DDAH1: variants seen among roughly 807,000 people sequenced by gnomAD.
The protein encoded by DDAH1 is dimethylarginine dimethylaminohydrolase 1.
DDAH1 carries 19 observed loss-of-function variants against 28.8 expected under a neutral mutation model. That is an observed-to-expected ratio of 0.66 (90% CI 0.46 to 0.97). DDAH1 has a LOEUF of 0.97. Ranked by LOEUF, DDAH1 falls within the 50% of genes least tolerant of loss-of-function variation. DDAH1 has a pLI of 0.00. For synonymous variants in DDAH1, 153 were observed against 154.4 expected (o/e 0.99, Z 0.07); for missense variants, 326 against 375.9 (o/e 0.87, Z 1.10).
chr1:85,573,303 G>A (rs956856694), intron 1 of DDAH1, among the ~76,000 whole-genome samples: 1 of 152,228 alleles, frequency 6.6e-6, no homozygotes. Flanking sequence ...TGTGCTACGT[G>A]TGATGTTAGT....
intron 1 of DDAH1, among the ~76,000 whole-genome samples, chr1:85,540,968 A>C (rs1170102769): frequency 6.6e-6 from 1 of 151,710 alleles, no homozygotes; most frequent in Non-Finnish European, 1.5e-5. Context: ...TCTAAAAAAA[A>C]AAAAAAAAAA....
intron 2 of DDAH1, among the ~76,000 whole-genome samples, chr1:85,478,004 TCA>T (rs1171126915): frequency 6.6e-6 from 1 of 152,048 alleles, no homozygotes; most frequent in Non-Finnish European, 1.5e-5. Flanking sequence ...TCTCCTAATC[TCA>T]GTTTCTCCAA....
At chr1:85,388,323 G>T (rs566504888) in intron 1 of DDAH1, among the ~76,000 whole-genome samples, 126 of 152,212 alleles carry the variant, frequency 8.3e-4, no homozygotes, top group African/African-American at 2.9e-3. Context: ...TTAGTTATGT[G>T]CCATTACTAC....
chr1:85,487,760 C>A (rs1656254145), intron 2 of DDAH1, among the ~76,000 whole-genome samples: 1 of 152,158 alleles, frequency 6.6e-6, no homozygotes, highest in Admixed American at 6.5e-5. Context: ...CTCATTTACA[C>A]TTCCCAAGAT....
At chr1:85,476,719 A>G (rs1481557627) in intron 2 of DDAH1, among the ~76,000 whole-genome samples, 1 of 152,114 alleles carries the variant, frequency 6.6e-6, no homozygotes, top group Non-Finnish European at 1.5e-5. Context: ...AAGGGAGGGG[A>G]ACAGACACTT....
At chr1:85,538,839 G>A (rs1171917343) in intron 1 of DDAH1, among the ~76,000 whole-genome samples, 3 of 152,188 alleles carry the variant, frequency 2.0e-5, no homozygotes, top group African/African-American at 7.2e-5. Flanking sequence ...ATGTGTGCCT[G>A]CGGGATCAAT....
chr1:85,537,125 G>A (rs1408754702), intron 1 of DDAH1, among the ~76,000 whole-genome samples: 1 of 151,534 alleles, frequency 6.6e-6, no homozygotes, highest in Non-Finnish European at 1.5e-5. Flanking sequence ...CATATTGCTT[G>A]AGCTCAGGAG....
rs772391520 is a variant in DDAH1 at position 85,321,434 on chromosome 1, CG to C, written c.*17del. 1.4e-4 allele frequency: 222 copies of C among 1,569,882 alleles called. No homozygotes were observed. Among genetic ancestry groups the C allele is most frequent in the Middle Eastern group, 3.4e-4 (2 of 5,894 alleles). ...TTGCCTGTGCGGTCTTGCCGGCTAC[CG>C]GGGGGGACTCTGCAGCTCAGGAGTC... On this transcript the variant is annotated 3_prime_UTR_variant, in exon 6 of 6. Coordinates refer to ENST00000284031, the MANE Select transcript of DDAH1 (RefSeq NM_012137.4).
At chr1:85,345,709 T>C (rs992282420) in intron 4 of DDAH1, among the ~76,000 whole-genome samples, 4 of 151,834 alleles carry the variant, frequency 2.6e-5, no homozygotes, top group African/African-American at 9.7e-5. Context: ...TACTAAAAAT[T>C]CAAAAATTAG....
At chr1:85,556,518 C>T (rs534066357) in intron 1 of DDAH1, among the ~76,000 whole-genome samples, 1 of 152,230 alleles carries the variant, frequency 6.6e-6, no homozygotes, top group African/African-American at 2.4e-5. Flanking sequence ...GTAGATACCA[C>T]ACTGTCACAA....
Position 85,572,298 on chromosome 1 carries a change from T to C in DDAH1, c.-123+5686A>G, listed in dbSNP as rs149740822. Reference sequence around the variant, plus strand: ...ACTGAAAACACAAGCTAAAGACACATTTAGAACAATATTTAAGTGACAGAT... The same window carrying C: ...ACTGAAAACACAAGCTAAAGACACACTTAGAACAATATTTAAGTGACAGAT... On this transcript the variant is annotated intron_variant, in intron 1 of 6. Coordinates refer to the DDAH1 transcript ENST00000426972. Among the ~76,000 whole-genome samples the C allele has an allele frequency of 3.8e-3, 573 of 152,168 alleles. 3 individuals carry two copies. The highest frequency in any genetic ancestry group is 8.3e-3 in the Admixed American group (127 of 15,288).
intron 1 of DDAH1, among the ~76,000 whole-genome samples, chr1:85,565,618 G>T (rs890131593): frequency 6.6e-6 from 1 of 151,906 alleles, no homozygotes; most frequent in African/African-American, 2.4e-5. Context: ...ATATTCAAAA[G>T]CTAAAAGAAT....
chr1:85,560,862 T>G (rs1659118096), intron 1 of DDAH1, among the ~76,000 whole-genome samples: 1 of 152,050 alleles, frequency 6.6e-6, no homozygotes, highest in South Asian at 2.1e-4. Flanking sequence ...GTATAAACAT[T>G]AAGGTTTTTT....
At chr1:85,514,275 A>C (rs1010582688) in intron 1 of DDAH1, among the ~76,000 whole-genome samples, 117 of 152,314 alleles carry the variant, frequency 7.7e-4, no homozygotes, top group African/African-American at 2.6e-3. Context: ...TGAGCAAACT[A>C]TCACAAGGAC....
chr1:85,416,365 T>G (rs569435395), intron 1 of DDAH1, among the ~76,000 whole-genome samples: 1 of 152,156 alleles, frequency 6.6e-6, no homozygotes, highest in East Asian at 1.9e-4. Flanking sequence ...CGGCTAAATT[T>G]TGTATTTTTA....
intron 1 of DDAH1, among the ~76,000 whole-genome samples, chr1:85,568,927 T>C (rs1659378778): frequency 1.3e-5 from 2 of 152,224 alleles, no homozygotes; most frequent in Non-Finnish European, 2.9e-5. Flanking sequence ...ACTCATTATA[T>C]ACACACTATT....
intron 5 of DDAH1, among the ~76,000 whole-genome samples, chr1:85,324,239 C>T (rs1351030297): frequency 4.1e-5 from 6 of 146,570 alleles, no homozygotes; most frequent in Middle Eastern, 3.5e-3. Context: ...CGCAGCACTC[C>T]AGCCTGGGTA....
intron 1 of DDAH1, among the ~76,000 whole-genome samples, chr1:85,576,154 A>G (rs1305164437): frequency 2.0e-5 from 3 of 152,210 alleles, no homozygotes; most frequent in Admixed American, 1.3e-4. Flanking sequence ...TGAGAATTAA[A>G]CAAATCAATA....
chr1:85,414,015 T>C (rs1652774787), intron 1 of DDAH1, among the ~76,000 whole-genome samples: 1 of 152,240 alleles, frequency 6.6e-6, no homozygotes, highest in African/African-American at 2.4e-5. Flanking sequence ...TGACATTTAT[T>C]GTATGCTTAA....
Sources: allele counts gnomAD v4.1 joint callset (sites outside exome capture counted in the v4.1 genomes callset), GRCh38; gene constraint gnomAD v4.1.1; transcripts MANE v1.5; gene names NCBI Gene and HGNC (gene_info 2026-07-23, HGNC 2026-07-21).